Variants in GRM7 observed in about 807,000 individuals in gnomAD.
GRM7 encodes metabotropic glutamate receptor 7.
A neutral mutation model predicts 84.5 loss-of-function variants in GRM7; 35 were observed. That is an observed-to-expected ratio of 0.41 (90% CI 0.32 to 0.55). The LOEUF (loss-of-function observed/expected upper bound fraction) is 0.55, where lower values mean the gene tolerates loss of function less well. Ranked by LOEUF, GRM7 falls within the 20% of genes least tolerant of loss-of-function variation. The pLI is 0.19. For synonymous variants in GRM7, 487 were observed against 455.1 expected, an observed-to-expected ratio of 1.07 and a Z score of -0.89; for missense variants, 1,003 against 1,194.6, an observed-to-expected ratio of 0.84 and a Z score of 2.36.
intron 7 of GRM7, among the ~76,000 whole-genome samples, chr3:7,566,721 G>C (rs777451956): frequency 1.3e-5 from 2 of 151,512 alleles, no homozygotes; most frequent in Non-Finnish European, 1.5e-5. Flanking sequence ...AGAATATATG[G>C]TATTTTTTAA....
At chr3:7,004,352 T>G (rs1695113262) in intron 1 of GRM7, among the ~76,000 whole-genome samples, 1 of 152,134 alleles carries the variant, frequency 6.6e-6, no homozygotes. Flanking sequence ...CAAATGAGGT[T>G]TGGTGAAAAC....
Position 6,966,995 on chromosome 3 carries a change from A to G in GRM7, c.519+105088A>G, listed in dbSNP as rs867020183. Among the ~76,000 whole-genome samples, 5 of 152,254 alleles carry G rather than the reference A, an allele frequency of 3.3e-5. No individual in the cohort carries two copies. In the South Asian group the frequency reaches 1.0e-3, roughly 32 times the overall value. ...GATGAAGATTAGAGTTGATTAAATA[A>G]TATCAGGTATGTGACTCTATTATAG... On this transcript the variant is annotated intron_variant, in intron 1 of 9. Transcript: ENST00000357716.
chr3:7,190,579 A>G (rs1695677298), intron 2 of GRM7, among the ~76,000 whole-genome samples: 1 of 152,100 alleles, frequency 6.6e-6, no homozygotes, highest in South Asian at 2.1e-4. Flanking sequence ...TTCAACTCCT[A>G]CTAACGAGGT....
At chr3:7,493,427 C>A (rs1670507483) in intron 7 of GRM7, among the ~76,000 whole-genome samples, 1 of 151,504 alleles carries the variant, frequency 6.6e-6, no homozygotes, top group South Asian at 2.1e-4. Flanking sequence ...TAACATTTTT[C>A]TGTGTCTCTA....
chr3:7,108,492 C>G (rs939514934), intron 1 of GRM7, among the ~76,000 whole-genome samples: 1 of 125,866 alleles, frequency 7.9e-6, no homozygotes, highest in Non-Finnish European at 1.7e-5. Flanking sequence ...TGGACTCAAC[C>G]ATTTTTTTTT....
At chr3:7,722,848 G>A (rs1193933417) in intron 9 of GRM7, among the ~76,000 whole-genome samples, 9 of 152,064 alleles carry the variant, frequency 5.9e-5, no homozygotes, top group Non-Finnish European at 1.3e-4. Flanking sequence ...GGAGTGCAGT[G>A]GCACTCTGAA....
intron 2 of GRM7, among the ~76,000 whole-genome samples, chr3:7,248,737 T>A (rs538852783): frequency 1.3e-5 from 2 of 152,226 alleles, no homozygotes; most frequent in East Asian, 3.9e-4. Context: ...TTACTTTCTA[T>A]GGGGATACAA....
intron 1 of GRM7, among the ~76,000 whole-genome samples, chr3:6,942,004 T>C (rs1478765597): frequency 1.3e-5 from 2 of 152,212 alleles, no homozygotes; most frequent in Admixed American, 6.5e-5. Flanking sequence ...TATTTAGTTG[T>C]TCAACATGCA....
At chr3:7,073,097 T>C (rs7615254) in intron 1 of GRM7, among the ~76,000 whole-genome samples, 27,212 of 152,132 alleles carry the variant, frequency 0.18, 2,595 homozygotes, top group South Asian at 0.23. Context: ...AAAATCTTTT[T>C]ATTTTTTATG....
intron 1 of GRM7, among the ~76,000 whole-genome samples, chr3:6,889,636 G>T (rs532098826): frequency 1.3e-5 from 2 of 152,220 alleles, no homozygotes; most frequent in East Asian, 3.9e-4. Flanking sequence ...TGGTTTGCCA[G>T]TATTTTATTG....
intron 1 of GRM7, among the ~76,000 whole-genome samples, chr3:6,940,248 T>A (rs1041297825): frequency 6.6e-6 from 1 of 152,014 alleles, no homozygotes; most frequent in African/African-American, 2.4e-5. Flanking sequence ...CGCACCACCA[T>A]GCCCAGCTAA....
At chr3:6,898,402 CA>C (rs58548226) in intron 1 of GRM7, among the ~76,000 whole-genome samples, 23,874 of 101,742 alleles carry the variant, frequency 0.23, 3,810 homozygotes, top group African/African-American at 0.49. Flanking sequence ...GGCACAAAGA[CA>C]AAAAAAAAAA....
At chr3:7,135,137 T>C (rs981747917) in intron 1 of GRM7, among the ~76,000 whole-genome samples, 3 of 152,222 alleles carry the variant, frequency 2.0e-5, no homozygotes, top group African/African-American at 7.2e-5. Context: ...TTATTAGTTA[T>C]CTCTCAGTAG....
rs1467720905 is a variant in GRM7, at chr3:7,055,411, G to C, written c.520-91041G>C. Among the ~76,000 whole-genome samples, 10 of 150,964 alleles carry C rather than the reference G, an allele frequency of 6.6e-5. 1 individual carries two copies. Among genetic ancestry groups the C allele is most frequent in the Admixed American group, 6.6e-4 (10 of 15,118 alleles). On this transcript the variant is annotated intron_variant, in intron 1 of 9. Transcript: ENST00000357716. The stretch of plus-strand genomic sequence containing the variant: ...TGGAGAACCGTTTTGTTGGAGTCAG[G>C]CTAACGATTTCCTCTCTTATGAAAA...
intron 1 of GRM7, among the ~76,000 whole-genome samples, chr3:7,088,336 C>T (rs1005162635): frequency 6.6e-6 from 1 of 152,042 alleles, no homozygotes; most frequent in African/African-American, 2.4e-5. Flanking sequence ...TCAAATATGC[C>T]TTGAAGGAGG....
chr3:6,950,293 A>T (rs1378972659), intron 1 of GRM7, among the ~76,000 whole-genome samples: 1 of 152,202 alleles, frequency 6.6e-6, no homozygotes, highest in Admixed American at 6.5e-5. Context: ...CCTCAGCTGC[A>T]GGTCTGTTGG....
At chr3:6,951,875 G>A (rs1272031074) in intron 1 of GRM7, among the ~76,000 whole-genome samples, 3 of 152,062 alleles carry the variant, frequency 2.0e-5, no homozygotes, top group Non-Finnish European at 2.9e-5. Context: ...TTGTAGCTCT[G>A]TTTTTTGCCT....
At chr3:7,498,780 A>G (rs942643630) in intron 7 of GRM7, among the ~76,000 whole-genome samples, 2 of 152,142 alleles carry the variant, frequency 1.3e-5, no homozygotes, top group Non-Finnish European at 2.9e-5. Flanking sequence ...TGCCCCATAT[A>G]AAAATGTATA....
At chr3:7,227,441 C>T (rs999797476) in intron 2 of GRM7, among the ~76,000 whole-genome samples, 18 of 152,116 alleles carry the variant, frequency 1.2e-4, no homozygotes, top group East Asian at 1.9e-4. Context: ...CATATTGTAC[C>T]GCAGAAGGTA....
Sources: gnomAD v4.1 joint callset for allele counts (sites outside exome capture counted in the v4.1 genomes callset) on GRCh38, gnomAD v4.1.1 for gene constraint, MANE v1.5 for transcripts, NCBI Gene and HGNC (gene_info 2026-07-23, HGNC 2026-07-21) for gene names.